Variants in MYOCD observed in about 807,000 individuals in gnomAD.
MYOCD encodes myocardin.
MYOCD carries 32 observed loss-of-function variants against 96.1 expected under a neutral mutation model. The ratio of observed to expected loss-of-function variants is 0.33; its 90% CI spans 0.25 to 0.45. MYOCD has a LOEUF of 0.45. MYOCD is among the 20% of genes least tolerant of loss of function. MYOCD has a pLI of 1.00. For synonymous variants in MYOCD, 469 were observed against 469.0 expected (o/e 1.00, Z 0.00); for missense variants, 1,133 against 1,200.6 (o/e 0.94, Z 0.83).
chr17:12,711,910 G>A (rs1397725363), intron 2 of MYOCD, among the ~76,000 whole-genome samples: 1 of 149,360 alleles, frequency 6.7e-6, no homozygotes, highest in East Asian at 1.9e-4. Context: ...CCCAGGAATT[G>A]GGATTTCTTT....
At chr17:12,756,380 C>T in intron 10 of MYOCD, 34 bp from the exon 11 acceptor site, 1 of 1,551,690 alleles carries the variant, frequency 6.4e-7, no homozygotes. Flanking sequence ...TAAGCTGCTG[C>T]TGGCCATGTA....
Position 12,756,563 on chromosome 17 carries a change from C to CT in MYOCD, c.2202+6_2202+7insT. 1 of 1,547,080 alleles carries CT rather than the reference C, an allele frequency of 6.5e-7. No homozygotes were observed. The highest frequency in any genetic ancestry group is 8.7e-7 in the Non-Finnish European group (1 of 1,144,468). ...GCCCATGTGTACAGCAAAAGGTAGG[C>CT]ACCTGAAAAAAGGCCTCAACCTGGG... On this transcript the variant is annotated splice_region_variant and intron_variant, in intron 11 of 13. Transcript: ENST00000425538.
chr17:12,677,415 TA>T (rs200884330), intron 1 of MYOCD, among the ~76,000 whole-genome samples: 1,918 of 151,388 alleles, frequency 0.013, 83 homozygotes, highest in East Asian at 0.086. Context: ...ACTTAAAAAT[TA>T]AAAAAAAACT....
At chr17:12,732,012 G>A (rs1447871751) in intron 5 of MYOCD, among the ~76,000 whole-genome samples, 1 of 152,132 alleles carries the variant, frequency 6.6e-6, no homozygotes, top group African/African-American at 2.4e-5. Context: ...GAGATCTTGT[G>A]GCCTGGACAG....
At position 12,715,534 on chromosome 17, in the gene MYOCD, C is replaced by A. The variant is rs376166018; in HGVS notation, c.137C>A (p.Ala46Asp). ...TCTGTTTCAGCACTGAAACGTCCAG[C>A]TGAATTCCATGAGCAAAGAAAACAT... ...QGIIPPLKRP[A>D]EFHEQRKHLD... The change falls in exon 3 of 14, where the codon GCT becomes GAT. Residue 46 changes from alanine (A) to aspartate (D), a missense_variant. By Grantham distance (126) the Ala-to-Asp change is moderately radical. Coordinates refer to ENST00000425538, the MANE Select transcript of MYOCD (RefSeq NM_001146312.3). 3.2e-5 allele frequency: 52 copies of A among 1,613,482 alleles called. No homozygotes were observed. The highest frequency in any genetic ancestry group is 1.2e-4 in the Admixed American group (7 of 59,926).
chr17:12,708,388 A>G (rs1456805820), intron 2 of MYOCD, among the ~76,000 whole-genome samples: 1 of 152,054 alleles, frequency 6.6e-6, no homozygotes, highest in Non-Finnish European at 1.5e-5. Flanking sequence ...GTCCTTATCA[A>G]ATAGAAATAC....
At chr17:12,710,425 G>C (rs2031445568) in intron 2 of MYOCD, 2 of 766,778 alleles carry the variant, frequency 2.6e-6, no homozygotes, top group African/African-American at 1.9e-5. Context: ...TTCATGATCT[G>C]ATCAATGTAA....
intron 1 of MYOCD, among the ~76,000 whole-genome samples, chr17:12,699,908 CTTT>C (rs35667292): frequency 9.9e-6 from 1 of 101,484 alleles, no homozygotes; most frequent in Non-Finnish European, 1.8e-5. Flanking sequence ...TTTTTTTTAC[CTTT>C]TTTTTTTTTT....
chr17:12,755,752 G>C (rs2032994780), intron 10 of MYOCD, among the ~76,000 whole-genome samples: 1 of 152,152 alleles, frequency 6.6e-6, no homozygotes, highest in African/African-American at 2.4e-5. Context: ...CGCGCCTGTA[G>C]TCCTAGCTAC....
Position 12,763,692 on chromosome 17 carries a change from G to T in MYOCD, c.*48G>T. The T allele has an allele frequency of 2.0e-6, 3 of 1,496,268 alleles. No homozygotes were observed. Among genetic ancestry groups the T allele is most frequent in the Non-Finnish European group, 2.7e-6 (3 of 1,095,124 alleles). 92.7% of individuals were successfully genotyped at this position (1,496,268 alleles called of 1,614,324 possible). A position where few individuals can be genotyped will look rare whatever the true frequency, so the allele number is the denominator to read the frequency against. ...TGGAAGACCAATGGAGTTCCATGGG[G>T]GAAAGCACACAGCCATACATACTTT... On this transcript the variant is annotated 3_prime_UTR_variant, in exon 14 of 14. Coordinates refer to ENST00000425538, the MANE Select transcript of MYOCD (RefSeq NM_001146312.3).
chr17:12,746,470 C>T (rs1350740107), intron 9 of MYOCD, among the ~76,000 whole-genome samples: 5 of 152,058 alleles, frequency 3.3e-5, no homozygotes, highest in Admixed American at 2.6e-4. Context: ...GTTTATTTTA[C>T]CATAGCAAAA....
chr17:12,700,729 C>T (rs72811284), intron 1 of MYOCD, among the ~76,000 whole-genome samples: 13,033 of 151,898 alleles, frequency 0.086, 617 homozygotes, highest in Middle Eastern at 0.15. Flanking sequence ...ACTTCGTCTT[C>T]ATTTGATTAA....
chr17:12,704,532 A>G (rs1344125581), intron 1 of MYOCD, among the ~76,000 whole-genome samples: 1 of 152,186 alleles, frequency 6.6e-6, no homozygotes, highest in Non-Finnish European at 1.5e-5. Context: ...CCTTCTTTGA[A>G]TTCCCAGGAG....
chr17:12,692,269 AC>A (rs1478101967), intron 1 of MYOCD, among the ~76,000 whole-genome samples: 8 of 152,194 alleles, frequency 5.3e-5, no homozygotes, highest in African/African-American at 1.9e-4. Context: ...TCGCATCGCA[AC>A]CTAAAGCTCC....
intron 2 of MYOCD, among the ~76,000 whole-genome samples, chr17:12,707,992 C>A (rs9894334): frequency 0.4 from 61,037 of 151,938 alleles, 14,329 homozygotes; most frequent in African/African-American, 0.64. Flanking sequence ...CATATATATG[C>A]ACTGGCTGAG....
chr17:12,724,577 C>T (rs1206625349), intron 5 of MYOCD, among the ~76,000 whole-genome samples: 5 of 152,036 alleles, frequency 3.3e-5, no homozygotes, highest in African/African-American at 1.2e-4. Flanking sequence ...CAAATCCGCT[C>T]ATCTTTTTCA....
At chr17:12,669,230 G>A (rs1909544762) in intron 1 of MYOCD, among the ~76,000 whole-genome samples, 1 of 152,174 alleles carries the variant, frequency 6.6e-6, no homozygotes, top group Non-Finnish European at 1.5e-5. Flanking sequence ...ACACAGGGAG[G>A]TACGTATGTG....
At chr17:12,725,465 AAT>A (rs2031969226) in intron 5 of MYOCD, among the ~76,000 whole-genome samples, 1 of 148,518 alleles carries the variant, frequency 6.7e-6, no homozygotes, top group South Asian at 2.1e-4. Flanking sequence ...CAAACCAAAT[AAT>A]ATATATCTTA....
intron 1 of MYOCD, among the ~76,000 whole-genome samples, chr17:12,678,589 C>G (rs1910246889): frequency 6.6e-6 from 1 of 152,272 alleles, no homozygotes; most frequent in East Asian, 1.9e-4. Context: ...TGGAGGCAGT[C>G]TGCCAAATTA....
Sources: allele counts gnomAD v4.1 joint callset (sites outside exome capture counted in the v4.1 genomes callset), GRCh38; gene constraint gnomAD v4.1.1; transcripts MANE v1.5; gene names NCBI Gene and HGNC (gene_info 2026-07-23, HGNC 2026-07-21).